The following CNOT4 variants were observed in gnomAD, a reference collection of about 807,000 sequenced individuals.
CNOT4 encodes the protein CCR4-associated factor 4.
A neutral mutation model predicts 73.8 loss-of-function variants in CNOT4; 8 were observed. The observed-to-expected ratio is 0.11, with a 90% CI of 0.06 to 0.20. CNOT4 has a LOEUF of 0.20. Ranked by LOEUF, CNOT4 falls within the 10% of genes least tolerant of loss-of-function variation. CNOT4 has a pLI of 1.00. For missense variants in CNOT4, 564 were observed against 883.4 expected, an observed-to-expected ratio of 0.64 and a Z score of 4.58; for synonymous variants, 293 against 321.1, an observed-to-expected ratio of 0.91 and a Z score of 0.94.
chr7:135,413,753 AG>A, intron 5 of CNOT4, 140 bp from the exon 6 acceptor site: 1 of 674,648 alleles, frequency 1.5e-6, no homozygotes, highest in Non-Finnish European at 2.4e-6. Flanking sequence ...TGCAAATACT[AG>A]AGAACTAAAC....
chr7:135,467,664 T>A (rs1209637235), intron 1 of CNOT4, among the ~76,000 whole-genome samples: 1 of 152,132 alleles, frequency 6.6e-6, no homozygotes, highest in African/African-American at 2.4e-5. Flanking sequence ...TGAGCTATGA[T>A]CATGCTACTG....
At position 135,370,632 on chromosome 7, in the gene CNOT4, A is replaced by G. The variant is rs183397820; in HGVS notation, c.1628-6566T>C. Among the ~76,000 whole-genome samples, 119 of 152,326 alleles carry G rather than the reference A, an allele frequency of 7.8e-4. 1 individual carries two copies. The highest frequency in any genetic ancestry group is 1.2e-3 in the Admixed American group (18 of 15,296). On this transcript the variant is annotated intron_variant, in intron 10 of 11. Transcript: ENST00000541284. ...ACATCCTGTACATTCTTCAGCATGT[A>G]GCTCAGTGTCTTAGAAATGTTACAT... is the stretch of plus-strand genomic sequence containing the variant.
intron 1 of CNOT4, among the ~76,000 whole-genome samples, chr7:135,472,067 G>C (rs1401018668): frequency 6.6e-6 from 1 of 152,030 alleles, no homozygotes; most frequent in East Asian, 1.9e-4. Context: ...CAGCTACTTG[G>C]GGGGCTGAGG....
At chr7:135,394,818 C>G (rs574811636) in intron 9 of CNOT4, among the ~76,000 whole-genome samples, 181 of 151,584 alleles carry the variant, frequency 1.2e-3, no homozygotes, top group African/African-American at 4.3e-3. Flanking sequence ...TACATGCTTT[C>G]TATACTAAGA....
chr7:135,373,262 CAT>C (rs1795319374), intron 10 of CNOT4, among the ~76,000 whole-genome samples: 1 of 152,180 alleles, frequency 6.6e-6, no homozygotes, highest in African/African-American at 2.4e-5. Context: ...AGCCTGATGC[CAT>C]ATTTGACAGG....
At chr7:135,480,799 GA>G (rs1218991249) in intron 1 of CNOT4, among the ~76,000 whole-genome samples, 1 of 149,660 alleles carries the variant, frequency 6.7e-6, no homozygotes, top group Non-Finnish European at 1.5e-5. Flanking sequence ...CACATATTTA[GA>G]GACAACTAAT....
chr7:135,401,984 T>G (rs182851468), intron 7 of CNOT4, among the ~76,000 whole-genome samples: 1 of 152,192 alleles, frequency 6.6e-6, no homozygotes, highest in Non-Finnish European at 1.5e-5. Context: ...CAGAAGGCAA[T>G]GCTGTATGTA....
intron 1 of CNOT4, among the ~76,000 whole-genome samples, chr7:135,456,266 A>G (rs1373837198): frequency 5.3e-5 from 8 of 152,136 alleles, no homozygotes; most frequent in South Asian, 2.1e-4. Context: ...TATTTTTTCT[A>G]CCATTCTCTC....
chr7:135,441,250 T>G (rs1799463215), intron 1 of CNOT4, among the ~76,000 whole-genome samples: 1 of 152,016 alleles, frequency 6.6e-6, no homozygotes, highest in Admixed American at 6.5e-5. Context: ...AAAAAATGTA[T>G]TTTTTCACAA....
At chr7:135,416,958 T>C (rs547712729) in intron 3 of CNOT4, among the ~76,000 whole-genome samples, 36 of 152,290 alleles carry the variant, frequency 2.4e-4, no homozygotes, top group African/African-American at 8.4e-4. Flanking sequence ...AGAAACAAAT[T>C]TCATATTATA....
At chr7:135,473,403 T>C (rs1035060233) in intron 1 of CNOT4, among the ~76,000 whole-genome samples, 1 of 152,160 alleles carries the variant, frequency 6.6e-6, no homozygotes, top group Non-Finnish European at 1.5e-5. Flanking sequence ...CATGACAGTT[T>C]TCCATTTATT....
chr7:135,400,946 T>C (rs1440240920), intron 7 of CNOT4, among the ~76,000 whole-genome samples: 1 of 152,210 alleles, frequency 6.6e-6, no homozygotes, highest in East Asian at 1.9e-4. Context: ...CTATGTGGAC[T>C]ATAACAAGTC....
At chr7:135,374,630 T>A (rs1022511836) in intron 10 of CNOT4, among the ~76,000 whole-genome samples, 1 of 37,246 alleles carries the variant, frequency 2.7e-5, no homozygotes, top group African/African-American at 8.1e-5. Context: ...CAACTATTCT[T>A]AAATTAAAAC....
At chr7:135,479,869 G>A (rs969259517) in intron 1 of CNOT4, among the ~76,000 whole-genome samples, 3 of 152,130 alleles carry the variant, frequency 2.0e-5, no homozygotes, top group Admixed American at 2.0e-4. Context: ...CAGGCTGGGT[G>A]ACAGAGTGAG....
intron 10 of CNOT4, chr7:135,386,084 C>A (rs1204898199): frequency 6.7e-6 from 1 of 149,412 alleles, no homozygotes. Flanking sequence ...ATTCATCATA[C>A]AACTAAAATC....
intron 1 of CNOT4, among the ~76,000 whole-genome samples, chr7:135,471,270 TAA>T (rs893237945): frequency 1.4e-5 from 2 of 145,258 alleles, no homozygotes; most frequent in African/African-American, 5.0e-5. Flanking sequence ...AGATTCTGAT[TAA>T]AAAAAAAAAG....
chr7:135,405,728 T>C (rs780448878), intron 7 of CNOT4, among the ~76,000 whole-genome samples: 3 of 152,202 alleles, frequency 2.0e-5, no homozygotes, highest in South Asian at 4.1e-4. Flanking sequence ...AAATATATTA[T>C]AGAAAAATTC....
chr7:135,471,788 C>T (rs112580975), intron 1 of CNOT4, among the ~76,000 whole-genome samples: 3,050 of 152,240 alleles, frequency 0.02, 109 homozygotes, highest in African/African-American at 0.07. Context: ...CTTGGCACTC[C>T]GCTAGCCAAT....
At chr7:135,443,943 GTTCGAGACCAGCCTGGGCA>G in intron 1 of CNOT4, among the ~76,000 whole-genome samples, 1 of 152,048 alleles carries the variant, frequency 6.6e-6, no homozygotes, top group South Asian at 2.1e-4. Flanking sequence ...GAGCCCAGGG[GTTCGAGACCAGCCTGGGCA>G]ACATGATGAA....
Sources: allele counts gnomAD v4.1 joint callset (sites outside exome capture counted in the v4.1 genomes callset), GRCh38; gene constraint gnomAD v4.1.1; transcripts MANE v1.5; gene names NCBI Gene and HGNC (gene_info 2026-07-23, HGNC 2026-07-21).